Variants in ENKUR observed in about 807,000 individuals in gnomAD.
ENKUR encodes the protein enkurin, TRPC channel interacting protein.
ENKUR carries 19 observed loss-of-function variants against 27.6 expected under a neutral mutation model. The observed-to-expected ratio is 0.69, with a 90% CI of 0.48 to 1.01. ENKUR has a LOEUF of 1.01. Ranked by LOEUF, ENKUR falls within the 50% of genes least tolerant of loss-of-function variation. ENKUR has a pLI of 0.00. For synonymous variants in ENKUR, 117 were observed against 96.9 expected, an observed-to-expected ratio of 1.21 and a Z score of -1.22; for missense variants, 312 against 310.5, an observed-to-expected ratio of 1.00 and a Z score of -0.04.
chr10:24,991,527 C>T (rs1849928166), intron 3 of ENKUR, among the ~76,000 whole-genome samples: 1 of 152,054 alleles, frequency 6.6e-6, no homozygotes. Flanking sequence ...CACCAATGGG[C>T]ACCAGCATGC....
chr10:25,043,800 A>G (rs1425128644), intron 2 of ENKUR, among the ~76,000 whole-genome samples: 1 of 151,582 alleles, frequency 6.6e-6, no homozygotes, highest in Non-Finnish European at 1.5e-5. Context: ...TTGAGCTCCA[A>G]TTTAGATTAC....
chr10:25,055,171 A>G (rs1020774721), intron 2 of ENKUR, among the ~76,000 whole-genome samples: 7 of 152,156 alleles, frequency 4.6e-5, no homozygotes, highest in Admixed American at 4.6e-4. Flanking sequence ...ACCAAGAATC[A>G]GGGATGGCCC....
intron 4 of ENKUR, among the ~76,000 whole-genome samples, 187 bp from the exon 5 acceptor site, chr10:24,985,092 C>A (rs1849752789): frequency 6.6e-6 from 1 of 152,192 alleles, no homozygotes; most frequent in African/African-American, 2.4e-5. Flanking sequence ...GGCCAAATCC[C>A]ATCCTTGACT....
At chr10:24,986,397 A>G (rs933690791) in intron 4 of ENKUR, among the ~76,000 whole-genome samples, 1 of 152,214 alleles carries the variant, frequency 6.6e-6, no homozygotes, top group Non-Finnish European at 1.5e-5. Flanking sequence ...GGATAGAAGA[A>G]AAAGTATCCA....
intron 2 of ENKUR, among the ~76,000 whole-genome samples, chr10:24,996,456 G>GTATATATA (rs1554769551): frequency 2.0e-5 from 3 of 149,710 alleles, no homozygotes; most frequent in African/African-American, 7.4e-5. Flanking sequence ...GTGTGTGTGT[G>GTATATATA]TATATATATA....
chr10:25,033,825 G>GTCTATCTATCTATCTA (rs140639853), intron 2 of ENKUR, among the ~76,000 whole-genome samples: 3 of 148,620 alleles, frequency 2.0e-5, no homozygotes, highest in East Asian at 2.0e-4. Context: ...GTGTGTGTGT[G>GTCTATCTATCTATCTA]TCTATCTATC....
At chr10:25,058,750 G>C in intron 2 of ENKUR, among the ~76,000 whole-genome samples, 1 of 151,892 alleles carries the variant, frequency 6.6e-6, no homozygotes, top group African/African-American at 2.4e-5. Flanking sequence ...GGCCAACATG[G>C]TGAAACCCTG....
At chr10:25,061,699 C>G (rs946048104) in intron 1 of ENKUR, among the ~76,000 whole-genome samples, 5 of 152,150 alleles carry the variant, frequency 3.3e-5, no homozygotes, top group Non-Finnish European at 4.4e-5. Flanking sequence ...ACAAGCTGCC[C>G]TTCTCCACCT....
Position 25,015,901 on chromosome 10 carries a change from G to C in ENKUR, c.36C>G (p.Asn12Lys), listed in dbSNP as rs1372138934. 1 of 1,608,006 alleles carries C rather than the reference G, an allele frequency of 6.2e-7. No individual in the cohort carries two copies. The highest frequency in any genetic ancestry group is 1.7e-5 in the Admixed American group (1 of 59,222). ...DPTCSSECIY[N>K]LIPSDLKEPP... ...GCTCCTTCAAGTCACTGGGTATGAGGTTATAAATGCACTCAGAAGAGCACG... is the reference window on the plus strand; with the variant it reads ...GCTCCTTCAAGTCACTGGGTATGAGCTTATAAATGCACTCAGAAGAGCACG... Residue 12 changes from asparagine (N) to lysine (K), a missense_variant, in exon 1 of 6, where the codon AAC becomes AAG. Transcript: ENST00000331161.
At chr10:25,025,831 T>C (rs112039464) in intron 2 of ENKUR, 2,431 of 181,166 alleles carry the variant, frequency 0.013, 60 homozygotes, top group African/African-American at 0.054. Flanking sequence ...TAGTGAATAC[T>C]CTGTTGATTA....
chr10:25,016,491 C>T (rs1450569979), upstream of ENKUR, among the ~76,000 whole-genome samples: 1 of 152,198 alleles, frequency 6.6e-6, no homozygotes, highest in Non-Finnish European at 1.5e-5. Context: ...CACGAGGACG[C>T]AAGGCCAGCG....
intron 2 of ENKUR, among the ~76,000 whole-genome samples, chr10:25,052,098 T>G (rs1851192498): frequency 6.6e-6 from 1 of 152,264 alleles, no homozygotes; most frequent in Non-Finnish European, 1.5e-5. Flanking sequence ...TAGAAAGTTA[T>G]GTTCCTTAGA....
chr10:25,022,088 C>G (rs907068363), intron 2 of ENKUR, among the ~76,000 whole-genome samples: 1 of 152,022 alleles, frequency 6.6e-6, no homozygotes, highest in Non-Finnish European at 1.5e-5. Context: ...ACGTGATAAG[C>G]CCCACTATGT....
chr10:25,001,349 T>G (rs1448487790), intron 1 of ENKUR, among the ~76,000 whole-genome samples: 1 of 151,992 alleles, frequency 6.6e-6, no homozygotes, highest in Non-Finnish European at 1.5e-5. Flanking sequence ...TTAATAAATT[T>G]GATGGTAATG....
intron 5 of ENKUR, 167 bp from the exon 6 acceptor site, chr10:24,984,543 T>A: frequency 9.2e-7 from 1 of 1,084,136 alleles, no homozygotes; most frequent in Non-Finnish European, 1.3e-6. Context: ...AACGTGACAC[T>A]AGTAAAAACA....
In ENKUR at chr10:25,012,992, G is replaced by T. The variant is rs1237331606; in HGVS notation, c.77+2868C>A. Among the ~76,000 whole-genome samples, 5 of 152,274 alleles carry T rather than the reference G, an allele frequency of 3.3e-5. No homozygotes were observed. In the East Asian group the frequency reaches 9.7e-4, roughly 29 times the overall value. On this transcript the variant is annotated intron_variant, in intron 1 of 5. Coordinates refer to ENST00000331161, the MANE Select transcript of ENKUR (RefSeq NM_145010.4). ...CTGGTGATAGGTAATTGAATCATGG[G>T]AGTGGGTCTTTCCTGTGCTGCTCTC...
chr10:25,006,218 T>A (rs1484646380), intron 1 of ENKUR, among the ~76,000 whole-genome samples: 1 of 152,142 alleles, frequency 6.6e-6, no homozygotes, highest in African/African-American at 2.4e-5. Context: ...TTTTGTTTAG[T>A]TATGTTATCG....
intron 3 of ENKUR, among the ~76,000 whole-genome samples, chr10:24,993,367 C>T (rs1248014742): frequency 2.6e-5 from 4 of 152,222 alleles, no homozygotes; most frequent in Non-Finnish European, 4.4e-5. Flanking sequence ...ATTTAATCCT[C>T]ACTACAACCC....
exon 2 of ENKUR, chr10:25,061,337 C>A (rs913509131): frequency 3.0e-5 from 18 of 595,092 alleles, no homozygotes; most frequent in Admixed American, 5.8e-5. Flanking sequence ...CTGTTGGGTG[C>A]AGCTCCTTCT....
Sources: allele counts gnomAD v4.1 joint callset (sites outside exome capture counted in the v4.1 genomes callset), GRCh38; gene constraint gnomAD v4.1.1; transcripts MANE v1.5; gene names NCBI Gene and HGNC (gene_info 2026-07-23, HGNC 2026-07-21).